EHMT2: variants seen among roughly 807,000 people sequenced by gnomAD.
EHMT2 encodes the protein histone-lysine N-methyltransferase EHMT2.
A neutral mutation model predicts 143.3 loss-of-function variants in EHMT2; 59 were observed. The ratio of observed to expected loss-of-function variants is 0.41; its 90% CI spans 0.33 to 0.51. The LOEUF is 0.51. Among genes scored for constraint, EHMT2 ranks in the 20% least tolerant of loss-of-function variants. The pLI is 0.18. For synonymous variants in EHMT2, 604 were observed against 651.5 expected (o/e 0.93, Z 1.11); for missense variants, 1,174 against 1,645.9 (o/e 0.71, Z 4.96).
exon 17 of EHMT2, chr6:31,886,788 C>A: frequency 6.2e-7 from 1 of 1,614,260 alleles, no homozygotes; most frequent in Non-Finnish European, 8.5e-7. Flanking sequence ...GCTATAGACA[C>A]AGCCACCACG....
At position 31,884,952 on chromosome 6, in the gene EHMT2, A is replaced by C. The variant is rs369890188; in HGVS notation, c.2408T>G (p.Met803Arg). Residue 803 changes from methionine to arginine, a missense_variant, in exon 19 of 28, where the codon ATG (methionine) becomes AGG (arginine). By Grantham distance (91) the Met-to-Arg change is moderately conservative (BLOSUM62 -1). Around this residue, in one of 6 missense-constraint regions of EHMT2, gnomAD observed 608 missense variants for 903.7 expected, o/e 0.67. Transcript: ENST00000375537. This position sits in a 1 kb window ranked among gnomAD's most constrained non-coding sequence, Gnocchi z 7.3. ...GACGTCGGCGCCCCGCGTCAGTAGC[A>C]TGCGGATCACCTCGATGTGCTTGTG... 6.2e-7 allele frequency: 1 copy of C among 1,610,962 alleles called. No individual in the cohort carries two copies. Among genetic ancestry groups the C allele is most frequent in the East Asian group, 2.2e-5 (1 of 44,756 alleles).
In EHMT2 at chr6:31,881,001, G is replaced by C. The variant is rs756557706; in HGVS notation, c.3276+13C>G. 4 of 1,611,368 alleles carry C rather than the reference G, an allele frequency of 2.5e-6. No individual in the cohort carries two copies. The Admixed American group carries it at 6.7e-5, about 27-fold the overall frequency. ...CCTGGGGAGCAGCAGGGTAAGGAGGGTCTCCTGCTCACCTTGTTGTCTAAG... is the reference window on the plus strand; with the variant it reads ...CCTGGGGAGCAGCAGGGTAAGGAGGCTCTCCTGCTCACCTTGTTGTCTAAG... On this transcript the variant is annotated intron_variant, in intron 26 of 27. Coordinates refer to ENST00000375537, the Ensembl canonical transcript of EHMT2. The surrounding 1 kb of genome is among the most constrained non-coding windows in gnomAD (Gnocchi z 4.8).
At position 31,889,146 on chromosome 6, in the gene EHMT2, C is replaced by G. The variant is rs576532890; in HGVS notation, c.1115-76G>C. ...GCGTGGGTACATGCAGGTGGACATG[C>G]GAGAGCGTGTGTGTGCGTGCACACA... On this transcript the variant is annotated intron_variant, in intron 9 of 27. Transcript: ENST00000375537. The surrounding 1 kb of genome is among the most constrained non-coding windows in gnomAD (Gnocchi z 5.1). 2.6e-6 allele frequency: 4 copies of G among 1,540,606 alleles called. No homozygotes were observed. Among genetic ancestry groups the G allele is most frequent in the South Asian group, 1.2e-5 (1 of 85,786 alleles).
exon 17 of EHMT2, chr6:31,886,873 C>T: frequency 6.2e-7 from 1 of 1,614,208 alleles, no homozygotes. Flanking sequence ...TGCTGTTTGT[C>T]CACTGCATTT....
At chr6:31,886,258 A>T in intron 18 of EHMT2, 1 of 351,448 alleles carries the variant, frequency 2.8e-6, no homozygotes, top group East Asian at 4.9e-5. Flanking sequence ...CTTCTGGACA[A>T]TGATGGAATA....
chr6:31,895,375 A>AT (rs1457731980), intron 4 of EHMT2: 1 of 151,996 alleles, frequency 6.6e-6, no homozygotes, highest in African/African-American at 2.4e-5. Context: ...CTTTTAAAAA[A>AT]TTTTTATCTT....
In EHMT2 at chr6:31,884,788, G is replaced by T; in HGVS notation, c.2460C>A (p.Ile820=). ...CCGTGAAGGAGGCCCAGTGCAGGCA[G>T]ATGTTCTCCTCCTGTGGAGGTAGGA... Residue 820 remains isoleucine (I), a synonymous_variant, in exon 20 of 28, where the codon ATC becomes ATA. Transcript: ENST00000375537. The surrounding 1 kb of genome is among the most constrained non-coding windows in gnomAD (Gnocchi z 7.3). 1 of 1,599,410 alleles carries T rather than the reference G, an allele frequency of 6.3e-7. No homozygotes were observed.
chr6:31,890,924 G>C (rs1054129600), intron 7 of EHMT2, among the ~76,000 whole-genome samples: 1 of 151,536 alleles, frequency 6.6e-6, no homozygotes, highest in South Asian at 2.1e-4. Flanking sequence ...TAAATACTGA[G>C]AGAGACCTAA....
At chr6:31,885,069 C>A (rs1263510868) in intron 18 of EHMT2, 53 bp from the exon 19 acceptor site, 3 of 1,556,298 alleles carry the variant, frequency 1.9e-6, no homozygotes, top group Admixed American at 1.8e-5. Flanking sequence ...CTCACCAAAG[C>A]AGCAAATGGT....
At chr6:31,882,713 C>T in exon 25 of EHMT2, 1 of 1,612,456 alleles carries the variant, frequency 6.2e-7, no homozygotes, top group Non-Finnish European at 8.5e-7. Context: ...AGATGAAGGT[C>T]CCCTGTGGGA....
chr6:31,880,625 G>A lies in EHMT2; in HGVS notation c.3452+48C>T, dbSNP rs1427758221. 15 of 1,596,732 alleles carry A rather than the reference G, an allele frequency of 9.4e-6. No homozygotes were observed. Among genetic ancestry groups the A allele is most frequent in the Admixed American group, 1.7e-5 (1 of 59,466 alleles). ...CCAGCCTTCAGGTCCCAGGTTTGCT[G>A]CATCTCCCACCCCCTGGCAGAGCCC... is the stretch of plus-strand genomic sequence containing the variant. On this transcript the variant is annotated intron_variant, in intron 27 of 27. Coordinates refer to ENST00000375537, the Ensembl canonical transcript of EHMT2. The surrounding 1 kb of genome is among the most constrained non-coding windows in gnomAD (Gnocchi z 6.6).
At position 31,880,068 on chromosome 6, in the gene EHMT2, A is replaced by G; in HGVS notation, c.*16T>C. On this transcript the variant is annotated 3_prime_UTR_variant, in exon 28 of 28. Coordinates refer to ENST00000375537, the Ensembl canonical transcript of EHMT2. This position sits in a 1 kb window ranked among gnomAD's most constrained non-coding sequence, Gnocchi z 6.6. The stretch of plus-strand genomic sequence containing the variant: ...CTGTGGCCATCCATGCTGGGGAGAG[A>G]GGGTGTGGTCCGTTCTCATGTGTTG... 6.2e-7 allele frequency: 1 copy of G among 1,605,432 alleles called. No homozygotes were observed. The highest frequency in any genetic ancestry group is 1.1e-5 in the South Asian group (1 of 90,826).
In EHMT2 at chr6:31,894,157, T is replaced by G. The variant is rs183364611; in HGVS notation, c.583-1247A>C. On this transcript the variant is annotated intron_variant, in intron 4 of 27. Transcript: ENST00000375537. ...GCCCGGCTAATTTTTGTTTTGTTTT[T>G]TTTTTTGAGACAGAGTTTTGCTCTT... Among the ~76,000 whole-genome samples, 39 of 151,796 alleles carry G rather than the reference T, an allele frequency of 2.6e-4. No homozygotes were observed. In the East Asian group the frequency reaches 7.4e-3, roughly 29 times the overall value.
At chr6:31,885,057 T>C in intron 18 of EHMT2, 41 bp from the exon 19 acceptor site, 1 of 1,572,314 alleles carries the variant, frequency 6.4e-7, no homozygotes, top group Non-Finnish European at 8.7e-7. Flanking sequence ...CAGCTGGCCC[T>C]GCTCACCAAA....
rs1764353215 is a variant in EHMT2 at position 31,883,262 on chromosome 6, G to A, written c.2994+100C>T. 2 of 1,245,428 alleles carry A rather than the reference G, an allele frequency of 1.6e-6. No individual in the cohort carries two copies. The highest frequency in any genetic ancestry group is 1.9e-5 in the Admixed American group (1 of 51,604). 77.1% of individuals were successfully genotyped at this position (1,245,428 alleles called of 1,614,324 possible). A position where few individuals can be genotyped will look rare whatever the true frequency, so the allele number is the denominator to read the frequency against. ...TCCTCTCAGTCACTTCCCCCACAGG[G>A]TAGGAGGTGAGGGACATGGTCCCAG... On this transcript the variant is annotated intron_variant, in intron 23 of 27. Coordinates refer to ENST00000375537, the Ensembl canonical transcript of EHMT2. The surrounding 1 kb of genome is among the most constrained non-coding windows in gnomAD (Gnocchi z 5.6).
At chr6:31,897,663 C>T in exon 1 of EHMT2, 4 of 1,131,658 alleles carry the variant, frequency 3.5e-6, no homozygotes, top group Non-Finnish European at 3.3e-6. Flanking sequence ...CTGCAGCTCC[C>T]GCCGCCGCCG....
rs372460606 is a variant in EHMT2, at chr6:31,888,836, AC to A, written c.1217-90del. 6.1e-6 allele frequency: 9 copies of A among 1,470,984 alleles called. No individual in the cohort carries two copies. The highest frequency in any genetic ancestry group is 2.4e-4 in the Middle Eastern group (1 of 4,144). 91.1% of individuals were successfully genotyped at this position (1,470,984 alleles called of 1,614,324 possible). A position where few individuals can be genotyped will look rare whatever the true frequency, so the allele number is the denominator to read the frequency against. On this transcript the variant is annotated intron_variant, in intron 10 of 27. Coordinates refer to ENST00000375537, the Ensembl canonical transcript of EHMT2. The surrounding 1 kb of genome is among the most constrained non-coding windows in gnomAD (Gnocchi z 7.4). ...GGTCCTCTCACTCCCTCCCTACCCC[AC>A]CCCGCCATGCCCCAGAACCCCTAAA...
chr6:31,888,613 T>G lies in EHMT2; in HGVS notation c.1351A>C (p.Ser451Arg). 1.9e-6 allele frequency: 3 copies of G among 1,613,084 alleles called. No individual in the cohort carries two copies. Among genetic ancestry groups the G allele is most frequent in the Non-Finnish European group, 2.5e-6 (3 of 1,179,960 alleles). Residue 451 changes from serine (S) to arginine (R), a missense_variant, in exon 11 of 28, where the codon AGT (serine) becomes CGT (arginine). This residue lies in a region of EHMT2 where 608 missense variants were observed against 903.7 expected (regional missense o/e 0.67). Coordinates refer to ENST00000375537, the Ensembl canonical transcript of EHMT2. The surrounding 1 kb of genome is among the most constrained non-coding windows in gnomAD (Gnocchi z 7.4). ...CACGGCCCCACCTCTCCGTCCACACTCTCAGTGGCCATGCACTTGTGCCCC... is the reference window on the plus strand; with the variant it reads ...CACGGCCCCACCTCTCCGTCCACACGCTCAGTGGCCATGCACTTGTGCCCC...
rs369890188 is a variant in EHMT2 at position 31,884,952 on chromosome 6, A to G, written c.2408T>C (p.Met803Thr). Residue 803 changes from methionine to threonine, a missense_variant, in exon 19 of 28, where the codon ATG (methionine) becomes ACG (threonine). This residue lies in a region of EHMT2 where 608 missense variants were observed against 903.7 expected (regional missense o/e 0.67). Coordinates refer to ENST00000375537, the Ensembl canonical transcript of EHMT2. This position sits in a 1 kb window ranked among gnomAD's most constrained non-coding sequence, Gnocchi z 7.3. Reference sequence around the variant, plus strand: ...GACGTCGGCGCCCCGCGTCAGTAGCATGCGGATCACCTCGATGTGCTTGTG... The same window carrying G: ...GACGTCGGCGCCCCGCGTCAGTAGCGTGCGGATCACCTCGATGTGCTTGTG... 14 of 1,610,844 alleles carry G rather than the reference A, an allele frequency of 8.7e-6. No homozygotes were observed. Among genetic ancestry groups the G allele is most frequent in the African/African-American group, 4.0e-5 (3 of 74,886 alleles).
Sources: gnomAD v4.1 joint callset for allele counts (sites outside exome capture counted in the v4.1 genomes callset) on GRCh38, gnomAD v4.1.1 for gene constraint, gnomAD v4.1.1 regional missense constraint, Gnocchi (gnomAD v3.1) non-coding constraint, MANE v1.5 for transcripts, NCBI Gene and HGNC (gene_info 2026-07-23, HGNC 2026-07-21) for gene names.